Variants in TSLP observed in about 807,000 individuals in gnomAD.
TSLP encodes thymic stroma-derived lymphopoietin.
A neutral mutation model predicts 12.4 loss-of-function variants in TSLP; 12 were observed. That is an observed-to-expected ratio of 0.97 (90% CI 0.62 to 1.57). The LOEUF is 1.57. Among genes scored for constraint, TSLP ranks in the 40% most tolerant of loss-of-function variants. The pLI, the probability that TSLP is intolerant of heterozygous loss-of-function variation, is 0.00. For missense variants in TSLP, 222 were observed against 189.6 expected (o/e 1.17, Z -1.00); for synonymous variants, 97 against 69.5 (o/e 1.40, Z -1.97).
In TSLP at chr5:111,077,747, T is replaced by G. The variant is rs1752553018; in HGVS notation, c.*1673T>G. ...AGTGCAGTTTCTTTGAATCTTCTGC[T>G]TTATCTTTAAAAATTTGTATAATTT... On this transcript the variant is annotated 3_prime_UTR_variant, in exon 4 of 4. Coordinates refer to ENST00000344895, the MANE Select transcript of TSLP (RefSeq NM_033035.5). The G allele has an allele frequency of 6.6e-6, 1 of 152,640 alleles. No individual in the cohort carries two copies. Among genetic ancestry groups the G allele is most frequent in the Non-Finnish European group, 1.5e-5 (1 of 68,034 alleles). The allele number at this position is 152,640 out of a possible 1,614,324, so 9.5% of individuals were successfully genotyped here. A position where few individuals can be genotyped will look rare whatever the true frequency, so the allele number is the denominator to read the frequency against.
rs1279223040 is a variant in TSLP at position 111,076,091 on chromosome 5, T to A, written c.*17T>A. The A allele has an allele frequency of 6.2e-7, 1 of 1,613,116 alleles. No individual in the cohort carries two copies. The highest frequency in any genetic ancestry group is 1.3e-5 in the African/African-American group (1 of 74,984). ...CAACAGTAAACCATCTTTATTATGG[T>A]CATATTTCACAGCACCAAAATAAAT... is the stretch of plus-strand genomic sequence containing the variant. On this transcript the variant is annotated 3_prime_UTR_variant, in exon 4 of 4. Coordinates refer to ENST00000344895, the MANE Select transcript of TSLP (RefSeq NM_033035.5).
Position 111,077,957 on chromosome 5 carries a change from G to T in TSLP, c.*1883G>T, listed in dbSNP as rs960263109. The T allele has an allele frequency of 6.6e-6, 1 of 152,214 alleles. No individual in the cohort carries two copies. The highest frequency in any genetic ancestry group is 2.4e-5 in the African/African-American group (1 of 41,284). The allele number at this position is 152,214 out of a possible 1,614,324, so 9.4% of individuals were successfully genotyped here. ...TTAAATGTATTGAGGCTTTCTTGGT[G>T]GACTAGTATAGTATACGGTCAGTTA... On this transcript the variant is annotated 3_prime_UTR_variant, in exon 4 of 4. Coordinates refer to ENST00000344895, the MANE Select transcript of TSLP (RefSeq NM_033035.5).
rs372675824 is a variant in TSLP, at chr5:111,073,650, G to A, written c.351+5G>A. On this transcript the variant is annotated splice_donor_5th_base_variant and intron_variant, in intron 3 of 3. Transcript: ENST00000344895. The stretch of plus-strand genomic sequence containing the variant: ...CCAGGCTATTCGGAAACTCAGGTAA[G>A]CCCGAAGCCTCAGACGTTTGCTGTA... 5.0e-6 allele frequency: 8 copies of A among 1,614,138 alleles called. No homozygotes were observed. The East Asian group carries it at 6.7e-5, about 13-fold the overall frequency.
At chr5:111,072,302 T>C (rs1752362206) in intron 1 of TSLP, among the ~76,000 whole-genome samples, 1 of 152,188 alleles carries the variant, frequency 6.6e-6, no homozygotes, top group Non-Finnish European at 1.5e-5. Flanking sequence ...CAGCGCGTTA[T>C]GCGTCAAAGG....
Position 111,073,276 on chromosome 5 carries a change from C to T in TSLP, c.217-235C>T, listed in dbSNP as rs1752394018. 9.2e-6 allele frequency: 13 copies of T among 1,414,356 alleles called. No homozygotes were observed. In the Admixed American group the frequency reaches 4.0e-4, roughly 43 times the overall value. The allele number at this position is 1,414,356 out of a possible 1,614,324, so 87.6% of individuals were successfully genotyped here. On this transcript the variant is annotated intron_variant, in intron 2 of 3. Transcript: ENST00000344895. ...CCCCTGGAGACTTGGGAGGAGCGAG[C>T]GTGGGTGACAGTCTTTTCGCGACGA... is the stretch of plus-strand genomic sequence containing the variant.
Position 111,077,837 on chromosome 5 carries a change from T to G in TSLP, c.*1763T>G, listed in dbSNP as rs903602532. 2.0e-5 allele frequency: 3 copies of G among 152,618 alleles called. No individual in the cohort carries two copies. The highest frequency in any genetic ancestry group is 7.2e-5 in the African/African-American group (3 of 41,456). 9.5% of individuals were successfully genotyped at this position (152,618 alleles called of 1,614,324 possible). A position where few individuals can be genotyped will look rare whatever the true frequency, so the allele number is the denominator to read the frequency against. On this transcript the variant is annotated 3_prime_UTR_variant, in exon 4 of 4. Coordinates refer to ENST00000344895, the MANE Select transcript of TSLP (RefSeq NM_033035.5). ...AAAATTAGTCATTTAAATTACACTG[T>G]CAATTAAAAGTAATGGGCAAGAGAT... is the stretch of plus-strand genomic sequence containing the variant.
rs1752343927 is a variant in TSLP at position 111,071,847 on chromosome 5, G to A, written c.-44G>A. ...TTACAGATCTCTTACACTCGTGGTGGGAAGAGTTTAGTGTGAAACTGGGGT... is the reference window on the plus strand; with the variant it reads ...TTACAGATCTCTTACACTCGTGGTGAGAAGAGTTTAGTGTGAAACTGGGGT... On this transcript the variant is annotated 5_prime_UTR_variant, in exon 1 of 4. Transcript: ENST00000344895. 6.3e-7 allele frequency: 1 copy of A among 1,596,364 alleles called. No individual in the cohort carries two copies. Among genetic ancestry groups the A allele is most frequent in the South Asian group, 1.1e-5 (1 of 88,616 alleles).
In TSLP at chr5:111,077,459, T is replaced by C. The variant is rs950810454; in HGVS notation, c.*1385T>C. 2.6e-5 allele frequency: 4 copies of C among 152,242 alleles called. No individual in the cohort carries two copies. The highest frequency in any genetic ancestry group is 2.0e-4 in the Admixed American group (3 of 15,286). The allele number at this position is 152,242 out of a possible 1,614,324, so 9.4% of individuals were successfully genotyped here. A position where few individuals can be genotyped will look rare whatever the true frequency, so the allele number is the denominator to read the frequency against. ...CAGAGAAGCTCAGGGTATAGCTGAA[T>C]AGGCAGTTTCTTTTGTCCTGAGGAA... On this transcript the variant is annotated 3_prime_UTR_variant, in exon 4 of 4. Transcript: ENST00000344895.
chr5:111,071,236 C>A (rs747012367), upstream of TSLP: 14 of 449,736 alleles, frequency 3.1e-5, no homozygotes, highest in Non-Finnish European at 5.0e-5. Flanking sequence ...CTGCACCCCA[C>A]CCTCCAAAGC....
intron 2 of TSLP, chr5:111,073,210 G>C (rs1752391936): frequency 2.5e-6 from 3 of 1,209,006 alleles, no homozygotes; most frequent in East Asian, 2.7e-5. Flanking sequence ...GCTGGGGTCC[G>C]GCGCCTCCGC....
chr5:111,074,627 C>CT (rs35180980), intron 3 of TSLP, among the ~76,000 whole-genome samples: 42,247 of 110,290 alleles, frequency 0.38, 8,993 homozygotes, highest in South Asian at 0.5. Flanking sequence ...ACGACTGTCA[C>CT]TTTTTTTTTT....
chr5:111,072,103 G>A (rs2112541884), intron 1 of TSLP, 42 bp downstream of exon 1: 1 of 1,552,488 alleles, frequency 6.4e-7, no homozygotes, highest in South Asian at 1.1e-5. Context: ...ATTTTCATCA[G>A]AGGAGTCGGC....
rs1430660037 is a variant in TSLP at position 111,076,598 on chromosome 5, A to T, written c.*524A>T. 2 of 154,324 alleles carry T rather than the reference A, an allele frequency of 1.3e-5. No homozygotes were observed. Among genetic ancestry groups the T allele is most frequent in the African/African-American group, 4.8e-5 (2 of 41,490 alleles). The allele number at this position is 154,324 out of a possible 1,614,324, so 9.6% of individuals were successfully genotyped here. A position where few individuals can be genotyped will look rare whatever the true frequency, so the allele number is the denominator to read the frequency against. Reference sequence around the variant, plus strand: ...AAGTATTGTGAAAGTATTCTAAGCCAAGTTTTAAATATTATCTAACAGACA... The same window carrying T: ...AAGTATTGTGAAAGTATTCTAAGCCTAGTTTTAAATATTATCTAACAGACA... On this transcript the variant is annotated 3_prime_UTR_variant, in exon 4 of 4. Transcript: ENST00000344895.
rs1350783401 is a variant in TSLP at position 111,077,678 on chromosome 5, T to C, written c.*1604T>C. The C allele has an allele frequency of 6.6e-6, 1 of 152,602 alleles. No homozygotes were observed. The highest frequency in any genetic ancestry group is 1.5e-5 in the Non-Finnish European group (1 of 68,022). The allele number at this position is 152,602 out of a possible 1,614,324, so 9.5% of individuals were successfully genotyped here. A position where few individuals can be genotyped will look rare whatever the true frequency, so the allele number is the denominator to read the frequency against. On this transcript the variant is annotated 3_prime_UTR_variant, in exon 4 of 4. Transcript: ENST00000344895. ...TTTGGGCCCAATTCCCCTAAAAGAA[T>C]TGAGGATTAGGGAGAAAGGAGACAA...
intron 1 of TSLP, among the ~76,000 whole-genome samples, chr5:111,072,396 T>G (rs560557830): frequency 6.6e-6 from 1 of 152,196 alleles, no homozygotes; most frequent in Non-Finnish European, 1.5e-5. Flanking sequence ...GTAAAAGAGA[T>G]AATTCTCATG....
At chr5:111,072,361 G>T (rs1394194481) in intron 1 of TSLP, among the ~76,000 whole-genome samples, 1 of 152,164 alleles carries the variant, frequency 6.6e-6, no homozygotes, top group South Asian at 2.1e-4. Flanking sequence ...GTAAAAAGCA[G>T]GAGGTAAGAG....
upstream of TSLP, chr5:111,071,167 G>C (rs947310209): frequency 9.5e-6 from 3 of 315,198 alleles, no homozygotes; most frequent in Admixed American, 4.7e-5. Flanking sequence ...TGCCCCTAAG[G>C]TTCTGGTCAC....
chr5:111,074,999 A>G (rs1187902667), intron 3 of TSLP, among the ~76,000 whole-genome samples: 1 of 152,172 alleles, frequency 6.6e-6, no homozygotes, highest in Non-Finnish European at 1.5e-5. Flanking sequence ...TCAATACCAG[A>G]CAGCCATATG....
intron 3 of TSLP, 127 bp downstream of exon 3, chr5:111,073,772 G>A: frequency 3.7e-6 from 4 of 1,091,616 alleles, no homozygotes; most frequent in East Asian, 2.5e-5. Flanking sequence ...AACGAGCCGG[G>A]TAAAAGTGGT....
Sources: allele counts gnomAD v4.1 joint callset (sites outside exome capture counted in the v4.1 genomes callset), GRCh38; gene constraint gnomAD v4.1.1; transcripts MANE v1.5; gene names NCBI Gene and HGNC (gene_info 2026-07-23, HGNC 2026-07-21).